Variants in CDKL5 observed in about 807,000 individuals in gnomAD.
The protein encoded by CDKL5 is cyclin dependent kinase like 5, also known as cyclin-dependent kinase-like 5.
Under a neutral mutation model 61.7 loss-of-function variants are expected in CDKL5, and 8 were observed. The ratio of observed to expected loss-of-function variants is 0.13; its 90% confidence interval spans 0.08 to 0.23. CDKL5 has a LOEUF of 0.23. Among genes scored for constraint, CDKL5 ranks in the 10% least tolerant of loss-of-function variants. CDKL5 has a pLI of 1.00. For synonymous variants in CDKL5, 275 were observed against 272.3 expected, an observed-to-expected ratio of 1.01 and a Z score of -0.10; for missense variants, 440 against 734.5, an observed-to-expected ratio of 0.60 and a Z score of 4.63.
At chrX:18,561,262 T>C (rs1205129999) in intron 3 of CDKL5, among the ~76,000 whole-genome samples, 1 of 111,273 alleles carries the variant, frequency 9.0e-6, no homozygotes, top group Non-Finnish European at 1.9e-5. Context: ...AGTTGCCATG[T>C]ATACGTGAAG....
intron 12 of CDKL5, among the ~76,000 whole-genome samples, chrX:18,607,425 TA>T (rs1170876704): frequency 8.9e-6 from 1 of 112,102 alleles, no homozygotes; most frequent in Non-Finnish European, 1.9e-5. Flanking sequence ...CAGCATGGTA[TA>T]AAATGGAGAA....
rs772194937 is a variant in CDKL5, at chrX:18,603,996, G to A, written c.1072G>A (p.Glu358Lys). ...GAGTGTAGGCCTGCCCCGGGCTGAC[G>A]AAGGTCTCCCTGCCAATGAAAGCTT... ...NLSVGLPRAD[E>K]GLPANESFLN... Residue 358 changes from glutamate to lysine, a missense_variant, in exon 12 of 18, where the codon GAA becomes AAA. Transcript: ENST00000623535. 8 of 1,211,108 alleles carry A rather than the reference G, an allele frequency of 6.6e-6. No individual in the cohort carries two copies. In the South Asian group the frequency reaches 7.0e-5, roughly 11 times the overall value.
In CDKL5 at chrX:18,650,367, C is replaced by T. The variant is rs371225621; in HGVS notation, c.2798-43C>T. 4.8e-5 allele frequency: 57 copies of T among 1,185,263 alleles called. 1 individual carries two copies. In the Admixed American group the frequency reaches 7.6e-4, roughly 16 times the overall value. On this transcript the variant is annotated intron_variant, in intron 20 of 21. Coordinates refer to the CDKL5 transcript ENST00000379989. ...TGTCTGGGAGCCGATGCCTGCCTCC[C>T]GGGCCCCAAGCTTCATTCCACTGCC...
intron 1 of CDKL5, among the ~76,000 whole-genome samples, chrX:18,483,322 A>G (rs963357016): frequency 1.8e-5 from 2 of 111,748 alleles, no homozygotes. Context: ...TTAGTGAGGG[A>G]TGACACCCAG....
At chrX:18,486,337 C>T (rs1249280698) in intron 1 of CDKL5, among the ~76,000 whole-genome samples, 5 of 111,635 alleles carry the variant, frequency 4.5e-5, no homozygotes, top group Non-Finnish European at 9.4e-5. Context: ...AGTATCTCTT[C>T]ACATTGGAAA....
Position 18,501,541 on chromosome X carries a change from A to T in CDKL5, c.-162-5394A>T, listed in dbSNP as rs758197393. ...ATAGTGAGACCAAATGTTTTTTTTA[A>T]AAAATTTTTATTTTTTTTTATTTTT... On this transcript the variant is annotated intron_variant, in intron 1 of 17. Coordinates refer to ENST00000623535, the MANE Select transcript of CDKL5 (RefSeq NM_001323289.2). Among the ~76,000 whole-genome samples the T allele has an allele frequency of 4.6e-3, 512 of 110,359 alleles. 1 individual carries two copies. The highest frequency in any genetic ancestry group is 0.041 in the Middle Eastern group (9 of 217).
chrX:18,521,806 C>G (rs1480349316), intron 3 of CDKL5, among the ~76,000 whole-genome samples: 1 of 111,954 alleles, frequency 8.9e-6, no homozygotes, highest in Non-Finnish European at 1.9e-5. Context: ...CATTCTTTCC[C>G]CATTTACTGG....
chrX:18,630,730 T>C lies in CDKL5; in HGVS notation c.*1973T>C. On this transcript the variant is annotated 3_prime_UTR_variant, in exon 18 of 18. Coordinates refer to ENST00000623535, the MANE Select transcript of CDKL5 (RefSeq NM_001323289.2). ...ACTAAAATGAAACTCGACTGGGTAC[T>C]ATTACTGAAAAAATTTGACTCAAAC... 1.3e-6 allele frequency: 1 copy of C among 750,298 alleles called. No individual in the cohort carries two copies. Among genetic ancestry groups the C allele is most frequent in the East Asian group, 1.5e-4 (1 of 6,655 alleles). 61.8% of individuals were successfully genotyped at this position (750,298 alleles called of 1,213,427 possible). A position where few individuals can be genotyped will look rare whatever the true frequency, so the allele number is the denominator to read the frequency against.
In CDKL5 at chrX:18,638,404, A is replaced by C. The variant is rs910594722; in HGVS notation, c.*9647A>C. The C allele has an allele frequency of 8.9e-6, 1 of 112,146 alleles. No homozygotes were observed. The highest frequency in any genetic ancestry group is 1.9e-5 in the Non-Finnish European group (1 of 53,119). The allele number at this position is 112,146 out of a possible 1,213,427, so 9.2% of individuals were successfully genotyped here. On this transcript the variant is annotated 3_prime_UTR_variant, in exon 18 of 18. Coordinates refer to ENST00000623535, the MANE Select transcript of CDKL5 (RefSeq NM_001323289.2). Reference sequence around the variant, plus strand: ...TAAAAATAAAAGTAAATATGTTAAAATAAGGTAAGAGTGAGTTTTTCCTAC... The same window carrying C: ...TAAAAATAAAAGTAAATATGTTAAACTAAGGTAAGAGTGAGTTTTTCCTAC...
At chrX:18,582,301 A>G (rs973438867) in intron 7 of CDKL5, among the ~76,000 whole-genome samples, 3 of 111,895 alleles carry the variant, frequency 2.7e-5, no homozygotes, top group Non-Finnish European at 5.7e-5. Flanking sequence ...AATACACATA[A>G]GTATTTTGTA....
At chrX:18,642,481 T>C (rs1459806018), downstream of CDKL5, among the ~76,000 whole-genome samples, 1 of 109,230 alleles carries the variant, frequency 9.2e-6, no homozygotes, top group Non-Finnish European at 1.9e-5. Context: ...AGTGCAGATG[T>C]GAACATTTCC....
rs2047839972 is a variant in CDKL5 at position 18,501,162 on chromosome X, G to GT, written c.-162-5766dup. On this transcript the variant is annotated intron_variant, in intron 1 of 17. Transcript: ENST00000623535. The stretch of plus-strand genomic sequence containing the variant: ...GGCCCCACTCACATTCTGATTCCCA[G>GT]TTTTTTTGTTTGTTTGTTTTTGTTT... Among the ~76,000 whole-genome samples the GT allele has an allele frequency of 2.7e-5, 3 of 110,114 alleles. No individual in the cohort carries two copies. In the South Asian group the frequency reaches 1.2e-3, roughly 43 times the overall value.
intron 16 of CDKL5, among the ~76,000 whole-genome samples, chrX:18,624,917 A>G (rs888261287): frequency 9.0e-6 from 1 of 111,674 alleles, no homozygotes; most frequent in Non-Finnish European, 1.9e-5. Flanking sequence ...AATTTTTCCT[A>G]ATGCAGGGAA....
intron 3 of CDKL5, among the ~76,000 whole-genome samples, chrX:18,513,684 A>T (rs957039911): frequency 2.7e-5 from 3 of 111,376 alleles, no homozygotes; most frequent in African/African-American, 9.7e-5. Flanking sequence ...AGTATTATAA[A>T]ACTCTTTTTT....
rs150844616 is a variant in CDKL5 at position 18,604,256 on chromosome X, C to T, written c.1332C>T (p.Arg444=). 3.9e-4 allele frequency: 472 copies of T among 1,210,299 alleles called. 1 individual carries two copies. In the African/African-American group the frequency reaches 6.6e-3, roughly 17 times the overall value. The part of the protein sequence containing the change: ...LKSNSRSQQN[R]HSFMESSQSK... ...CAAACAGCAGATCTCAGCAGAACCG[C>T]CACTCATTCATGGAAAGCTCTCAAA... Residue 444 remains arginine, a synonymous_variant, in exon 12 of 18, where the codon CGC becomes CGT. Transcript: ENST00000623535.
chrX:18,492,399 TC>T (rs1922024516), intron 1 of CDKL5, among the ~76,000 whole-genome samples: 1 of 111,880 alleles, frequency 8.9e-6, no homozygotes, highest in East Asian at 2.8e-4. Context: ...CAGATTCTTT[TC>T]CTCAGGTTTT....
chrX:18,443,972 C>G (rs1301644275), intron 1 of CDKL5: 1 of 111,051 alleles, frequency 9.0e-6, no homozygotes, highest in African/African-American at 3.3e-5. Context: ...AAGTAATTCT[C>G]TCTCCTCTTG....
intron 8 of CDKL5, chrX:18,587,574 A>G (rs1925681041): frequency 1.1e-5 from 2 of 183,134 alleles, no homozygotes; most frequent in South Asian, 9.8e-5. Flanking sequence ...ACATTTAGAG[A>G]GCTAAAGGAT....
chrX:18,638,280 C>T lies in CDKL5; in HGVS notation c.*9523C>T, dbSNP rs1387139373. On this transcript the variant is annotated 3_prime_UTR_variant, in exon 18 of 18. Transcript: ENST00000623535. ...CAACACTTAATGCTACTTCTTTGTT[C>T]GTAACATTTCATTTAATTATTTAAA... 2.7e-5 allele frequency: 3 copies of T among 112,122 alleles called. No individual in the cohort carries two copies. Among genetic ancestry groups the T allele is most frequent in the African/African-American group, 6.5e-5 (2 of 30,828 alleles). The allele number at this position is 112,122 out of a possible 1,213,427, so 9.2% of individuals were successfully genotyped here.
Sources: gnomAD v4.1 joint callset for allele counts (sites outside exome capture counted in the v4.1 genomes callset) on GRCh38, gnomAD v4.1.1 for gene constraint, MANE v1.5 for transcripts, NCBI Gene and HGNC (gene_info 2026-07-23, HGNC 2026-07-21) for gene names.